The following MYO9B variants were observed in gnomAD, a reference collection of about 807,000 sequenced individuals.
MYO9B encodes the protein unconventional myosin-IXb.
A neutral mutation model predicts 229.5 loss-of-function variants in MYO9B; 71 were observed. The ratio of observed to expected loss-of-function variants is 0.31; its 90% CI spans 0.26 to 0.38. MYO9B has a LOEUF of 0.38. Ranked by LOEUF, MYO9B falls within the 10% of genes least tolerant of loss-of-function variation. The probability of loss-of-function intolerance (pLI) is 1.00; values close to 1 mark genes in which losing one functional copy is unlikely to be tolerated. For missense variants in MYO9B, 2,255 were observed against 2,920.5 expected (o/e 0.77, Z 5.25); for synonymous variants, 1,185 against 1,235.8 (o/e 0.96, Z 0.86).
At chr19:17,080,264 C>A (rs2057522691) in intron 1 of MYO9B, among the ~76,000 whole-genome samples, 1 of 152,188 alleles carries the variant, frequency 6.6e-6, no homozygotes, top group Non-Finnish European at 1.5e-5. Context: ...TTTGCTAGGG[C>A]TGCTGTAACA....
rs1177090177 is a variant in MYO9B, at chr19:17,116,151, CTT to C, written c.840+13595_840+13596del. Among the ~76,000 whole-genome samples the C allele has an allele frequency of 2.0e-5, 3 of 152,178 alleles. No individual in the cohort carries two copies. The South Asian group carries it at 6.2e-4, about 32-fold the overall frequency. On this transcript the variant is annotated intron_variant, in intron 2 of 39. Coordinates refer to ENST00000682292, the MANE Select transcript of MYO9B (RefSeq NM_004145.4). Reference sequence around the variant, plus strand: ...GGCTGAACATCAGCAGGCCCCATCTCTTGAAGGGTTTCCAGCTGCCTCCTGGG... The same window carrying C: ...GGCTGAACATCAGCAGGCCCCATCTCGAAGGGTTTCCAGCTGCCTCCTGGG...
At chr19:17,142,999 G>GA (rs745993991) in intron 2 of MYO9B, among the ~76,000 whole-genome samples, 1 of 152,160 alleles carries the variant, frequency 6.6e-6, no homozygotes, top group South Asian at 2.1e-4. Flanking sequence ...AGTACTTTGG[G>GA]AGGCCAAGGC....
At chr19:17,080,576 C>T (rs1419228938) in intron 1 of MYO9B, among the ~76,000 whole-genome samples, 1 of 152,088 alleles carries the variant, frequency 6.6e-6, no homozygotes, top group Admixed American at 6.6e-5. Flanking sequence ...CCATAAAGAC[C>T]CTGTCTCTAG....
chr19:17,186,064 T>C (rs2072916240), intron 18 of MYO9B, 63 bp downstream of exon 18: 6 of 1,457,324 alleles, frequency 4.1e-6, no homozygotes, highest in Non-Finnish European at 5.8e-6. Context: ...GGTGTCGGTG[T>C]CCCTGCATCC....
Position 17,172,512 on chromosome 19 carries a change from G to A in MYO9B, c.1935+35G>A. On this transcript the variant is annotated intron_variant, in intron 12 of 39. Transcript: ENST00000682292. This position sits in a 1 kb window ranked among gnomAD's most constrained non-coding sequence, Gnocchi z 8.2. The stretch of plus-strand genomic sequence containing the variant: ...TGCCCATCACCACTGGTGGAAGCCT[G>A]AGGGAAGCCACAGTCAGCCCAGAAG... 1.2e-6 allele frequency: 2 copies of A among 1,609,432 alleles called. No homozygotes were observed. The highest frequency in any genetic ancestry group is 2.2e-5 in the South Asian group (2 of 90,234).
chr19:17,129,514 T>A (rs1272874026), intron 2 of MYO9B, among the ~76,000 whole-genome samples: 1 of 152,188 alleles, frequency 6.6e-6, no homozygotes, highest in Non-Finnish European at 1.5e-5. Context: ...ACCTGAGCTG[T>A]GGCTAAACGT....
intron 2 of MYO9B, among the ~76,000 whole-genome samples, chr19:17,128,635 G>A (rs577458365): frequency 2.6e-5 from 4 of 152,354 alleles, no homozygotes; most frequent in East Asian, 3.9e-4. Flanking sequence ...AGCCACCGGC[G>A]CTCAGGGTCA....
intron 2 of MYO9B, among the ~76,000 whole-genome samples, chr19:17,138,151 T>G (rs1271253232): frequency 6.6e-6 from 1 of 152,098 alleles, no homozygotes; most frequent in Non-Finnish European, 1.5e-5. Context: ...ACATGTGGTG[T>G]TTGGTTTTCT....
At chr19:17,155,914 G>A (rs1394906720) in intron 6 of MYO9B, among the ~76,000 whole-genome samples, 2 of 151,992 alleles carry the variant, frequency 1.3e-5, no homozygotes, top group African/African-American at 4.8e-5. Context: ...CAGCTACTCA[G>A]GAGGCTGAGG....
intron 26 of MYO9B, among the ~76,000 whole-genome samples, chr19:17,201,192 C>T (rs1239883984): frequency 3.9e-5 from 6 of 152,206 alleles, no homozygotes; most frequent in Admixed American, 3.3e-4. Flanking sequence ...ACGATCGCAG[C>T]ACTGCACTCC....
chr19:17,158,844 T>A (rs905384814), intron 7 of MYO9B, among the ~76,000 whole-genome samples: 46 of 152,172 alleles, frequency 3.0e-4, no homozygotes, highest in Admixed American at 3.0e-3. Flanking sequence ...CCACGGAGCA[T>A]GAGCATCCGG....
At chr19:17,209,752 C>T (rs759377448) in intron 36 of MYO9B, 43 bp downstream of exon 36, 2 of 1,511,064 alleles carry the variant, frequency 1.3e-6, no homozygotes, top group Non-Finnish European at 1.8e-6. Context: ...TTTGGTGGGG[C>T]GGAGCCTGGT....
Position 17,172,283 on chromosome 19 carries a change from C to A in MYO9B, c.1794-53C>A. The stretch of plus-strand genomic sequence containing the variant: ...GGGGTCTGCAAGATAAAATACACAG[C>A]AGGTAAATCAGCCGCTGTTCATGCC... On this transcript the variant is annotated intron_variant, in intron 11 of 39. Transcript: ENST00000682292. The surrounding 1 kb of genome is among the most constrained non-coding windows in gnomAD (Gnocchi z 8.2). 6.2e-7 allele frequency: 1 copy of A among 1,606,244 alleles called. No homozygotes were observed. The highest frequency in any genetic ancestry group is 1.1e-5 in the South Asian group (1 of 90,138).
intron 2 of MYO9B, among the ~76,000 whole-genome samples, chr19:17,112,176 A>AC (rs1296588185): frequency 6.6e-6 from 1 of 152,064 alleles, no homozygotes; most frequent in African/African-American, 2.4e-5. Context: ...TGACACTCAC[A>AC]CAGAGGATCC....
At chr19:17,184,752 G>A (rs1342140302) in intron 16 of MYO9B, 113 bp from the exon 17 acceptor site, 15 of 1,412,450 alleles carry the variant, frequency 1.1e-5, no homozygotes, top group Admixed American at 2.1e-5. Flanking sequence ...GCTGCTGCCC[G>A]GGCACTCGCT....
At chr19:17,154,190 T>G (rs2072512877) in intron 5 of MYO9B, 124 bp downstream of exon 5, 2 of 1,327,164 alleles carry the variant, frequency 1.5e-6, no homozygotes, top group Admixed American at 3.6e-5. Context: ...GAAGGCAGCA[T>G]TAAAAGAACC....
chr19:17,205,575 G>C (rs1311747283), intron 31 of MYO9B, among the ~76,000 whole-genome samples: 2 of 152,206 alleles, frequency 1.3e-5, no homozygotes, highest in East Asian at 3.8e-4. Context: ...GCTCATCCTT[G>C]CTCCTGAGAG....
rs201305160 is a variant in MYO9B, at chr19:17,201,917, C to G, written c.4564-9C>G. ...GAGGCACGCAGGGTCAGTTCCTCTC[C>G]CCTTCCAGATAAATGACCTCCGTTC... is the stretch of plus-strand genomic sequence containing the variant. On this transcript the variant is annotated splice_polypyrimidine_tract_variant and intron_variant, in intron 26 of 39. Coordinates refer to ENST00000682292, the MANE Select transcript of MYO9B (RefSeq NM_004145.4). 1.6e-5 allele frequency: 25 copies of G among 1,608,400 alleles called. No individual in the cohort carries two copies. Among genetic ancestry groups the G allele is most frequent in the Non-Finnish European group, 2.0e-5 (24 of 1,176,488 alleles).
intron 2 of MYO9B, among the ~76,000 whole-genome samples, chr19:17,111,847 T>G (rs1399678572): frequency 6.6e-6 from 1 of 152,198 alleles, no homozygotes; most frequent in African/African-American, 2.4e-5. Context: ...ATCTGCCTGT[T>G]CTGGACATTT....
Sources: allele counts gnomAD v4.1 joint callset (sites outside exome capture counted in the v4.1 genomes callset), GRCh38; gene constraint gnomAD v4.1.1; non-coding constraint Gnocchi (gnomAD v3.1); transcripts MANE v1.5; gene names NCBI Gene and HGNC (gene_info 2026-07-23, HGNC 2026-07-21).